Variants in ST8SIA6 observed in about 807,000 individuals in gnomAD.
ST8SIA6 encodes the protein ST8 alpha-N-acetyl-neuraminide alpha-2,8-sialyltransferase 6, also known as alpha-2,8-sialyltransferase 8F.
ST8SIA6 carries 39 observed loss-of-function variants against 33.6 expected under a neutral mutation model. That is an observed-to-expected ratio of 1.16 (90% CI 0.90 to 1.52). The LOEUF (loss-of-function observed/expected upper bound fraction) is 1.52. Among genes scored for constraint, ST8SIA6 ranks in the 40% most tolerant of loss-of-function variants. The probability of loss-of-function intolerance (pLI) is 0.00; values close to 1 mark genes in which losing one functional copy is unlikely to be tolerated. For synonymous variants in ST8SIA6, 172 were observed against 167.2 expected, an observed-to-expected ratio of 1.03 and a Z score of -0.22; for missense variants, 441 against 443.8, an observed-to-expected ratio of 0.99 and a Z score of 0.06.
chr10:17,323,109 A>C lies in ST8SIA6; in HGVS notation c.684T>G (p.Ser228Arg). 1 of 1,613,818 alleles carries C rather than the reference A, an allele frequency of 6.2e-7. No individual in the cohort carries two copies. The highest frequency in any genetic ancestry group is 8.5e-7 in the Non-Finnish European group (1 of 1,179,842). Residue 228 changes from serine to arginine, a missense_variant, in exon 7 of 8, where the codon AGT (serine) becomes AGG (arginine). By Grantham distance (110) the Ser-to-Arg change is moderately radical (BLOSUM62 -1). Coordinates refer to ENST00000377602, the MANE Select transcript of ST8SIA6 (RefSeq NM_001004470.3). ...GATTTATAGTCACAAGATTTGTTTTACTGCCAACATCTTTACTAACATCTC... is the reference window on the plus strand; with the variant it reads ...GATTTATAGTCACAAGATTTGTTTTCCTGCCAACATCTTTACTAACATCTC... ...TTGDVSKDVG[S>R]KTNLVTINPS...
At chr10:17,415,039 C>T (rs1262793376) in intron 2 of ST8SIA6, among the ~76,000 whole-genome samples, 1 of 152,100 alleles carries the variant, frequency 6.6e-6, no homozygotes, top group Non-Finnish European at 1.5e-5. Flanking sequence ...TTATCCTTCT[C>T]ACAAGCACAC....
chr10:17,336,908 T>TA (rs1225424965), intron 4 of ST8SIA6, among the ~76,000 whole-genome samples: 1 of 152,116 alleles, frequency 6.6e-6, no homozygotes, highest in East Asian at 1.9e-4. Context: ...TGTATGCTTT[T>TA]AGGTAAGACT....
At chr10:17,372,562 G>T (rs907606962) in intron 3 of ST8SIA6, among the ~76,000 whole-genome samples, 1 of 152,142 alleles carries the variant, frequency 6.6e-6, no homozygotes, top group African/African-American at 2.4e-5. Context: ...AATATCGCAA[G>T]AACTATACAT....
rs72378605 is a variant in ST8SIA6 at position 17,349,935 on chromosome 10, A to AACAC, written c.377+9575_377+9578dup. 6.2e-3 allele frequency among the ~76,000 whole-genome samples: 933 copies of AACAC among 151,310 alleles called. 10 individuals carry two copies. Among genetic ancestry groups the AACAC allele is most frequent in the African/African-American group, 0.022 (892 of 41,262 alleles). Reference sequence around the variant, plus strand: ...ATTAACCAGGTCTGTAAATTAAATAAACACACACACACACACACATACACA... The same window carrying AACAC: ...ATTAACCAGGTCTGTAAATTAAATAAACACACACACACACACACACACATACACA... On this transcript the variant is annotated intron_variant, in intron 4 of 7. Coordinates refer to ENST00000377602, the MANE Select transcript of ST8SIA6 (RefSeq NM_001004470.3).
At chr10:17,341,919 A>G (rs1380983164) in intron 4 of ST8SIA6, among the ~76,000 whole-genome samples, 1 of 150,808 alleles carries the variant, frequency 6.6e-6, no homozygotes, top group Non-Finnish European at 1.5e-5. Context: ...AAAAAAAAAA[A>G]AACAAAAAGA....
intron 3 of ST8SIA6, among the ~76,000 whole-genome samples, chr10:17,372,092 A>G (rs1197108231): frequency 6.6e-6 from 1 of 152,162 alleles, no homozygotes; most frequent in Non-Finnish European, 1.5e-5. Flanking sequence ...TTAATGTACG[A>G]CTAGAACTTA....
At chr10:17,333,714 T>TATAC (rs1564405131) in intron 4 of ST8SIA6, among the ~76,000 whole-genome samples, 12 of 40,160 alleles carry the variant, frequency 3.0e-4, no homozygotes, top group African/African-American at 1.0e-3. Flanking sequence ...TATATATATA[T>TATAC]ATATTTTTTT....
chr10:17,409,022 A>T (rs534396146), intron 2 of ST8SIA6, among the ~76,000 whole-genome samples: 51 of 151,266 alleles, frequency 3.4e-4, no homozygotes, highest in African/African-American at 1.2e-3. Flanking sequence ...ACCTCAGGTG[A>T]TCTGCCTGCC....
intron 2 of ST8SIA6, among the ~76,000 whole-genome samples, chr10:17,428,667 A>G (rs1852009037): frequency 6.6e-6 from 1 of 151,988 alleles, no homozygotes; most frequent in African/African-American, 2.4e-5. Flanking sequence ...AAGGAACAGC[A>G]AGTAAAAGGG....
At position 17,341,718 on chromosome 10, in the gene ST8SIA6, G is replaced by A. The variant is rs192785955; in HGVS notation, c.378-10166C>T. ...GTTCGAGACCAGCCTGGCCAACATGGTGAAACCCCCATCTCTACTAAAAAT... is the reference window on the plus strand; with the variant it reads ...GTTCGAGACCAGCCTGGCCAACATGATGAAACCCCCATCTCTACTAAAAAT... On this transcript the variant is annotated intron_variant, in intron 4 of 7. Transcript: ENST00000377602. Among the ~76,000 whole-genome samples the A allele has an allele frequency of 3.3e-5, 5 of 151,764 alleles. No individual in the cohort carries two copies. The East Asian group carries it at 7.8e-4, about 24-fold the overall frequency.
chr10:17,448,374 A>G (rs377491402), intron 2 of ST8SIA6, among the ~76,000 whole-genome samples: 1 of 152,296 alleles, frequency 6.6e-6, no homozygotes. Context: ...GGCCAGCCAC[A>G]CAATCCCAAA....
intron 3 of ST8SIA6, among the ~76,000 whole-genome samples, chr10:17,362,918 G>T (rs762196162): frequency 6.6e-6 from 1 of 152,022 alleles, no homozygotes; most frequent in Non-Finnish European, 1.5e-5. Flanking sequence ...CACCATGTTG[G>T]TCAGGCTGAT....
intron 2 of ST8SIA6, among the ~76,000 whole-genome samples, chr10:17,438,035 C>T (rs552005209): frequency 5.9e-5 from 9 of 152,080 alleles, no homozygotes; most frequent in African/African-American, 2.2e-4. Context: ...GGCCATGCCC[C>T]CCTGTTTCTG....
At position 17,323,229 on chromosome 10, in the gene ST8SIA6, G is replaced by GCGCACGCACA. The variant is rs112083592; in HGVS notation, c.636-73_636-72insTGTGCGTGCG. On this transcript the variant is annotated intron_variant, in intron 6 of 7. Coordinates refer to ENST00000377602, the MANE Select transcript of ST8SIA6 (RefSeq NM_001004470.3). ...AAAGATTGTATACACACATATGCGC[G>GCGCACGCACA]CACACACACACACACACACACCTAT... The GCGCACGCACA allele has an allele frequency of 5.2e-3, 4,132 of 792,836 alleles. 164 individuals carry two copies. Among genetic ancestry groups the GCGCACGCACA allele is most frequent in the African/African-American group, 0.035 (1,960 of 55,830 alleles). 49.1% of individuals were successfully genotyped at this position (792,836 alleles called of 1,614,324 possible).
intron 2 of ST8SIA6, among the ~76,000 whole-genome samples, chr10:17,442,026 G>A (rs770762758): frequency 6.6e-5 from 10 of 151,970 alleles, no homozygotes; most frequent in Non-Finnish European, 1.3e-4. Context: ...CTGCCGCCAC[G>A]CCTGGCTAAT....
intron 3 of ST8SIA6, among the ~76,000 whole-genome samples, chr10:17,360,772 T>C (rs960972653): frequency 6.6e-6 from 1 of 151,598 alleles, no homozygotes; most frequent in Non-Finnish European, 1.5e-5. Context: ...AACAGGTAAA[T>C]AGAGAACAAA....
chr10:17,330,717 TAGAA>T (rs775772207), intron 5 of ST8SIA6, among the ~76,000 whole-genome samples: 5 of 152,180 alleles, frequency 3.3e-5, no homozygotes, highest in Non-Finnish European at 7.3e-5. Flanking sequence ...AATGGAATCA[TAGAA>T]AGACGCTGGA....
At chr10:17,339,842 G>A (rs1474364999) in intron 4 of ST8SIA6, among the ~76,000 whole-genome samples, 4 of 152,182 alleles carry the variant, frequency 2.6e-5, no homozygotes, top group South Asian at 2.1e-4. Context: ...CATATGACAC[G>A]TTCATTCACT....
intron 3 of ST8SIA6, among the ~76,000 whole-genome samples, chr10:17,382,608 G>C (rs1437797442): frequency 6.6e-6 from 1 of 152,082 alleles, no homozygotes; most frequent in Admixed American, 6.6e-5. Flanking sequence ...TGAGTTACAG[G>C]GCTTTAACTC....
Sources: gnomAD v4.1 joint callset for allele counts (sites outside exome capture counted in the v4.1 genomes callset) on GRCh38, gnomAD v4.1.1 for gene constraint, MANE v1.5 for transcripts, NCBI Gene and HGNC (gene_info 2026-07-23, HGNC 2026-07-21) for gene names.